UTRN: variants seen among roughly 807,000 people sequenced by gnomAD.
UTRN encodes utrophin.
UTRN carries 283 observed loss-of-function variants against 463.9 expected under a neutral mutation model. The ratio of observed to expected loss-of-function variants is 0.61; its 90% CI spans 0.55 to 0.67. UTRN has a LOEUF of 0.67. UTRN is among the 30% of genes least tolerant of loss of function. The pLI, the probability that UTRN is intolerant of heterozygous loss-of-function variation, is 0.00. For missense variants in UTRN, 3,922 were observed against 4,084.3 expected, an observed-to-expected ratio of 0.96 and a Z score of 1.08; for synonymous variants, 1,442 against 1,431.5, an observed-to-expected ratio of 1.01 and a Z score of -0.17.
At chr6:144,803,928 C>G (rs372604147) in intron 65 of UTRN, among the ~76,000 whole-genome samples, 1 of 151,830 alleles carries the variant, frequency 6.6e-6, no homozygotes, top group African/African-American at 2.4e-5. Flanking sequence ...TAGGTTTATC[C>G]CAATTTACAT....
intron 53 of UTRN, 58 bp from the exon 54 acceptor site, chr6:144,730,299 C>T (rs1246290461): frequency 6.9e-7 from 1 of 1,455,856 alleles, no homozygotes; most frequent in Non-Finnish European, 9.1e-7. Flanking sequence ...TTGAAGATGT[C>T]CCATAATTTG....
intron 2 of UTRN, among the ~76,000 whole-genome samples, chr6:144,367,963 G>A (rs547585105): frequency 1.3e-5 from 2 of 152,134 alleles, no homozygotes; most frequent in South Asian, 4.2e-4. Flanking sequence ...TGTATTTTTA[G>A]TATAGATGGG....
chr6:144,740,615 C>T (rs1464565972), intron 54 of UTRN, among the ~76,000 whole-genome samples: 4 of 152,178 alleles, frequency 2.6e-5, no homozygotes, highest in Admixed American at 1.3e-4. Flanking sequence ...TTCTTAACTA[C>T]AGAGCAGTAA....
At chr6:144,367,467 A>G (rs1484893575) in intron 2 of UTRN, among the ~76,000 whole-genome samples, 1 of 152,064 alleles carries the variant, frequency 6.6e-6, no homozygotes, top group African/African-American at 2.4e-5. Context: ...CAATTATTAT[A>G]TAGACAATGC....
At chr6:144,829,994 G>C (rs1201260764) in intron 69 of UTRN, among the ~76,000 whole-genome samples, 2 of 152,194 alleles carry the variant, frequency 1.3e-5, no homozygotes, top group East Asian at 3.9e-4. Flanking sequence ...TAACCTACTG[G>C]TGTGCATTTC....
intron 61 of UTRN, 152 bp downstream of exon 61, chr6:144,782,275 T>C (rs1043921534): frequency 1.1e-5 from 7 of 664,350 alleles, no homozygotes; most frequent in Non-Finnish European, 1.5e-5. Flanking sequence ...TGAATGATTT[T>C]ACAAATCATT....
At chr6:144,692,742 T>G (rs1474351104) in intron 52 of UTRN, among the ~76,000 whole-genome samples, 1 of 152,222 alleles carries the variant, frequency 6.6e-6, no homozygotes, top group East Asian at 1.9e-4. Context: ...TTATGGTGTT[T>G]GTTTTTTCCT....
intron 46 of UTRN, among the ~76,000 whole-genome samples, chr6:144,543,238 TTGGTTAACA>T (rs1798130830): frequency 6.6e-6 from 1 of 152,222 alleles, no homozygotes; most frequent in East Asian, 1.9e-4. Flanking sequence ...TAACATGAGC[TTGGTTAACA>T]TATGTAATTA....
At chr6:144,344,455 C>T (rs80230884) in intron 2 of UTRN, among the ~76,000 whole-genome samples, 1,642 of 152,324 alleles carry the variant, frequency 0.011, 23 homozygotes, top group African/African-American at 0.037. Flanking sequence ...CCTGCTGCCA[C>T]GTCTGTTGTG....
At chr6:144,460,050 T>A (rs1642317774) in intron 21 of UTRN, among the ~76,000 whole-genome samples, 1 of 151,088 alleles carries the variant, frequency 6.6e-6, no homozygotes. Flanking sequence ...CTTCCTTTGG[T>A]TGAGGAGGCC....
At chr6:144,538,971 T>G (rs887563721) in intron 44 of UTRN, among the ~76,000 whole-genome samples, 2 of 152,150 alleles carry the variant, frequency 1.3e-5, no homozygotes, top group Admixed American at 1.3e-4. Context: ...GAACAGTATA[T>G]TAGGATGGAG....
At chr6:144,728,368 C>T (rs919752972) in intron 53 of UTRN, among the ~76,000 whole-genome samples, 1 of 151,744 alleles carries the variant, frequency 6.6e-6, no homozygotes, top group African/African-American at 2.4e-5. Context: ...TGGCTCAAGA[C>T]TTGTAAATGT....
At chr6:144,739,007 G>T (rs1425622940) in intron 54 of UTRN, among the ~76,000 whole-genome samples, 1 of 152,148 alleles carries the variant, frequency 6.6e-6, no homozygotes, top group Non-Finnish European at 1.5e-5. Flanking sequence ...AGTTGTGTAT[G>T]AATGTATATG....
At chr6:144,635,514 C>CTTTTTTTTTTTCTTTTTTTT (rs1777036827) in intron 51 of UTRN, among the ~76,000 whole-genome samples, 1 of 80,012 alleles carries the variant, frequency 1.2e-5, no homozygotes, top group African/African-American at 4.9e-5. Context: ...CTTTTTTTTT[C>CTTTTTTTTTTTCTTTTTTTT]TTTTTTTTTT....
chr6:144,740,958 A>C (rs1446595138), intron 54 of UTRN, among the ~76,000 whole-genome samples: 1 of 152,222 alleles, frequency 6.6e-6, no homozygotes, highest in Non-Finnish European at 1.5e-5. Flanking sequence ...ACACGTGTGT[A>C]TTTTATTATA....
intron 51 of UTRN, chr6:144,583,440 G>A (rs1273322357): frequency 6.0e-6 from 4 of 666,544 alleles, no homozygotes; most frequent in Non-Finnish European, 2.8e-6. Context: ...GGAAATGATC[G>A]TTGCTCTTCA....
At chr6:144,771,728 G>A (rs1389897069) in intron 58 of UTRN, among the ~76,000 whole-genome samples, 179 bp from the exon 59 acceptor site, 1 of 151,820 alleles carries the variant, frequency 6.6e-6, no homozygotes, top group Admixed American at 6.6e-5. Context: ...CCTGGCCAAT[G>A]TTTCAAATGT....
intron 69 of UTRN, among the ~76,000 whole-genome samples, chr6:144,834,065 T>C (rs1440731534): frequency 6.6e-6 from 1 of 152,220 alleles, no homozygotes; most frequent in Non-Finnish European, 1.5e-5. Context: ...TTCCCAGTGA[T>C]GCTGCGTTTT....
intron 51 of UTRN, among the ~76,000 whole-genome samples, chr6:144,658,393 A>G (rs1779537651): frequency 6.6e-6 from 1 of 152,220 alleles, no homozygotes; most frequent in Non-Finnish European, 1.5e-5. Flanking sequence ...AAATAATACC[A>G]ACATTGTATA....
Sources: gnomAD v4.1 joint callset for allele counts (sites outside exome capture counted in the v4.1 genomes callset) on GRCh38, gnomAD v4.1.1 for gene constraint, MANE v1.5 for transcripts, NCBI Gene and HGNC (gene_info 2026-07-23, HGNC 2026-07-21) for gene names.